The following USH2A variants were observed in gnomAD, a reference collection of about 807,000 sequenced individuals.
USH2A encodes Usher syndrome 2A (autosomal recessive, mild).
In USH2A, 443 loss-of-function variants were observed where a neutral mutation model predicts 538.9. That is an observed-to-expected ratio of 0.82 (90% CI 0.76 to 0.89). The LOEUF (loss-of-function observed/expected upper bound fraction) is 0.89. Ranked by LOEUF, USH2A falls within the 40% of genes least tolerant of loss-of-function variation. The probability of loss-of-function intolerance (pLI) is 0.00; values close to 1 mark genes in which losing one functional copy is unlikely to be tolerated. For missense variants in USH2A, 6,633 were observed against 6,324.8 expected (o/e 1.05, Z -1.65); for synonymous variants, 2,413 against 2,273.5 (o/e 1.06, Z -1.75).
intron 60 of USH2A, among the ~76,000 whole-genome samples, chr1:215,731,638 A>G (rs1044409441): frequency 6.6e-6 from 1 of 152,210 alleles, no homozygotes; most frequent in African/African-American, 2.4e-5. Flanking sequence ...TAGGAACCAT[A>G]TATTTTTAAA....
At chr1:216,410,137 C>A (rs1268337848) in intron 3 of USH2A, among the ~76,000 whole-genome samples, 2 of 149,416 alleles carry the variant, frequency 1.3e-5, no homozygotes, top group Non-Finnish European at 2.9e-5. Context: ...TCAATCAAAA[C>A]CACAATGAAA....
chr1:215,932,126 C>G (rs1046477615), intron 38 of USH2A, among the ~76,000 whole-genome samples: 1 of 151,934 alleles, frequency 6.6e-6, no homozygotes, highest in African/African-American at 2.4e-5. Flanking sequence ...TTGCATCACC[C>G]AGCATTGAAA....
At chr1:216,183,926 T>C (rs1192728319) in intron 20 of USH2A, among the ~76,000 whole-genome samples, 1 of 152,052 alleles carries the variant, frequency 6.6e-6, no homozygotes. Flanking sequence ...ACTTAAACAT[T>C]GCTTAAGAGC....
chr1:216,337,748 A>G (rs1195839166), intron 4 of USH2A, among the ~76,000 whole-genome samples: 1 of 151,366 alleles, frequency 6.6e-6, no homozygotes, highest in Non-Finnish European at 1.5e-5. Context: ...TGCAAATTAC[A>G]TGGTTTTCTA....
At chr1:216,149,399 C>T (rs188138857) in intron 21 of USH2A, among the ~76,000 whole-genome samples, 191 of 152,272 alleles carry the variant, frequency 1.3e-3, no homozygotes, top group African/African-American at 4.5e-3. Flanking sequence ...TCTTGGTATT[C>T]AGTGGAACCT....
intron 3 of USH2A, among the ~76,000 whole-genome samples, chr1:216,398,466 C>T (rs893367099): frequency 3.9e-5 from 6 of 152,052 alleles, no homozygotes; most frequent in South Asian, 2.1e-4. Flanking sequence ...TGTTGGCCTA[C>T]AAGAGAAAAC....
chr1:215,729,115 A>G (rs914648674), intron 60 of USH2A, among the ~76,000 whole-genome samples: 3 of 152,144 alleles, frequency 2.0e-5, no homozygotes, highest in Admixed American at 6.5e-5. Context: ...TGATGATTGC[A>G]GAGACTTCAA....
At chr1:215,990,718 G>GC (rs1667983281) in intron 35 of USH2A, among the ~76,000 whole-genome samples, 1 of 151,230 alleles carries the variant, frequency 6.6e-6, no homozygotes, top group African/African-American at 2.4e-5. Context: ...ATTTCTACAG[G>GC]TAAGGACAGG....
chr1:216,336,743 A>G (rs2037982294), intron 4 of USH2A, among the ~76,000 whole-genome samples: 1 of 151,502 alleles, frequency 6.6e-6, no homozygotes, highest in Non-Finnish European at 1.5e-5. Context: ...AAAACATATC[A>G]TGCACCTTAT....
intron 30 of USH2A, among the ~76,000 whole-genome samples, chr1:216,067,297 A>G (rs2102543484): frequency 6.6e-6 from 1 of 152,220 alleles, no homozygotes; most frequent in African/African-American, 2.4e-5. Flanking sequence ...AGATAGCATT[A>G]GGAGAAATAC....
At chr1:216,048,759 G>C (rs2030632793) in intron 30 of USH2A, 112 bp from the exon 31 acceptor site, 1 of 913,920 alleles carries the variant, frequency 1.1e-6, no homozygotes, top group South Asian at 1.3e-5. Context: ...AAAACAAAGA[G>C]ACCAGAGACA....
At chr1:215,662,400 C>A (rs1657468286) in intron 64 of USH2A, among the ~76,000 whole-genome samples, 1 of 152,128 alleles carries the variant, frequency 6.6e-6, no homozygotes, top group Non-Finnish European at 1.5e-5. Flanking sequence ...GAGAACCAAC[C>A]CATCTTCACA....
chr1:216,278,729 C>T (rs916048063), intron 11 of USH2A, among the ~76,000 whole-genome samples: 1 of 152,142 alleles, frequency 6.6e-6, no homozygotes, highest in Admixed American at 6.6e-5. Flanking sequence ...TATTTGTACA[C>T]TTTAATATTT....
At chr1:215,721,600 C>T (rs1469058049) in intron 61 of USH2A, among the ~76,000 whole-genome samples, 1 of 152,018 alleles carries the variant, frequency 6.6e-6, no homozygotes, top group African/African-American at 2.4e-5. Context: ...TGGTTTTCAT[C>T]CCCAATAATG....
At chr1:216,153,284 T>G (rs1360083058) in intron 21 of USH2A, among the ~76,000 whole-genome samples, 8 of 152,180 alleles carry the variant, frequency 5.3e-5, no homozygotes. Context: ...ACACACCCAC[T>G]GGGGCTTTGG....
chr1:216,300,229 C>T (rs539620642), intron 9 of USH2A, among the ~76,000 whole-genome samples: 1 of 152,276 alleles, frequency 6.6e-6, no homozygotes, highest in South Asian at 2.1e-4. Context: ...ATCAAGAACT[C>T]TGTGTGTATC....
At chr1:216,205,265 A>G (rs2035087240) in intron 16 of USH2A, among the ~76,000 whole-genome samples, 1 of 152,212 alleles carries the variant, frequency 6.6e-6, no homozygotes, top group Non-Finnish European at 1.5e-5. Flanking sequence ...TTTCTCTGTC[A>G]CAAAAGTTTA....
chr1:216,386,828 C>G (rs1430936998), intron 3 of USH2A, among the ~76,000 whole-genome samples: 1 of 152,008 alleles, frequency 6.6e-6, no homozygotes, highest in Non-Finnish European at 1.5e-5. Context: ...GCAATCCAGC[C>G]TGGGCGACAG....
At chr1:215,786,609 A>G (rs1571685873) in intron 52 of USH2A, 61 bp downstream of exon 52, 3 of 1,578,056 alleles carry the variant, frequency 1.9e-6, no homozygotes, top group Non-Finnish European at 2.6e-6. Context: ...ATAAATCTGC[A>G]TTTTCAGCAG....
Sources: gnomAD v4.1 joint callset for allele counts (sites outside exome capture counted in the v4.1 genomes callset) on GRCh38, gnomAD v4.1.1 for gene constraint, MANE v1.5 for transcripts, NCBI Gene and HGNC (gene_info 2026-07-23, HGNC 2026-07-21) for gene names.